The following ANKDD1B variants were observed in gnomAD, a reference collection of about 807,000 sequenced individuals.
ANKDD1B encodes ankyrin repeat and death domain-containing protein 1B.
In ANKDD1B, 57 loss-of-function variants were observed where a neutral mutation model predicts 59.7. That is an observed-to-expected ratio of 0.95 (90% CI 0.77 to 1.19). ANKDD1B has a LOEUF of 1.19. Among genes scored for constraint, ANKDD1B ranks in the 50% most tolerant of loss-of-function variants. ANKDD1B has a pLI of 0.00. For missense variants in ANKDD1B, 602 were observed against 641.9 expected (o/e 0.94, Z 0.67); for synonymous variants, 216 against 239.5 (o/e 0.90, Z 0.91).
intron 9 of ANKDD1B, among the ~76,000 whole-genome samples, chr5:75,658,424 T>G (rs994373773): frequency 6.6e-6 from 1 of 152,184 alleles, no homozygotes; most frequent in Non-Finnish European, 1.5e-5. Context: ...GCATTCCTTT[T>G]GGTGAGAGGT....
chr5:75,663,867 C>T lies in ANKDD1B; in HGVS notation c.1191+378C>T, dbSNP rs141619955. 8.6e-4 allele frequency among the ~76,000 whole-genome samples: 131 copies of T among 152,318 alleles called. 1 individual carries two copies. Among genetic ancestry groups the T allele is most frequent in the Non-Finnish European group, 1.6e-3 (106 of 68,028 alleles). On this transcript the variant is annotated intron_variant, in intron 11 of 13. Coordinates refer to ENST00000601380, the MANE Select transcript of ANKDD1B (RefSeq NM_001276713.2). The stretch of plus-strand genomic sequence containing the variant: ...GGTTAAAAAACTCCTTTGTGTGGCT[C>T]GGCAGTTTTCAACACACCGCTGTGC...
intron 8 of ANKDD1B, among the ~76,000 whole-genome samples, chr5:75,654,723 A>G (rs1473695573): frequency 1.3e-5 from 2 of 152,182 alleles, no homozygotes; most frequent in African/African-American, 4.8e-5. Context: ...GTGAATGTGT[A>G]ATAAGCACCA....
chr5:75,635,164 T>C, intron 6 of ANKDD1B, 168 bp downstream of exon 6: 2 of 515,014 alleles, frequency 3.9e-6, no homozygotes, highest in South Asian at 2.7e-5. Flanking sequence ...GCAAAATCCT[T>C]CCACTGTTGC....
At chr5:75,668,152 C>T (rs542268295) in intron 12 of ANKDD1B, among the ~76,000 whole-genome samples, 151 of 152,178 alleles carry the variant, frequency 9.9e-4, no homozygotes, top group Admixed American at 1.8e-3. Flanking sequence ...TACTTGCCAG[C>T]AGGATAAGGG....
At position 75,659,138 on chromosome 5, in the gene ANKDD1B, A is replaced by C. The variant is rs1579973591; in HGVS notation, c.997-145A>C. The C allele has an allele frequency of 2.3e-5, 14 of 608,480 alleles. No homozygotes were observed. The East Asian group carries it at 3.9e-4, about 17-fold the overall frequency. 37.7% of individuals were successfully genotyped at this position (608,480 alleles called of 1,614,324 possible). A position where few individuals can be genotyped will look rare whatever the true frequency, so the allele number is the denominator to read the frequency against. On this transcript the variant is annotated intron_variant, in intron 9 of 13. Coordinates refer to ENST00000601380, the MANE Select transcript of ANKDD1B (RefSeq NM_001276713.2). ...TGTAATTTCCTTTCAGTTTTTCACT[A>C]TTGCAAATAATAATGCAATGAATGC... is the stretch of plus-strand genomic sequence containing the variant.
intron 10 of ANKDD1B, among the ~76,000 whole-genome samples, chr5:75,662,357 G>C (rs1579977491): frequency 6.6e-6 from 1 of 152,038 alleles, no homozygotes; most frequent in South Asian, 2.1e-4. Context: ...CTGCTCCCCT[G>C]GGTCTTAGTG....
intron 9 of ANKDD1B, 122 bp downstream of exon 9, chr5:75,656,249 C>T: frequency 1.9e-6 from 1 of 512,940 alleles, no homozygotes; most frequent in East Asian, 3.3e-5. Context: ...CATGAGCATC[C>T]TTTTTATCCT....
chr5:75,663,359 A>G (rs1275246170), intron 10 of ANKDD1B, 35 bp from the exon 11 acceptor site: 2 of 1,464,438 alleles, frequency 1.4e-6, no homozygotes, highest in Non-Finnish European at 1.8e-6. Context: ...TCACTAGGCC[A>G]TATCACCTGA....
At chr5:75,668,189 T>C (rs377502462) in intron 12 of ANKDD1B, among the ~76,000 whole-genome samples, 24 of 152,126 alleles carry the variant, frequency 1.6e-4, no homozygotes, top group African/African-American at 5.6e-4. Context: ...CGATGGAACC[T>C]TTATGGAGGG....
rs576891441 is a variant in ANKDD1B, at chr5:75,611,964, G to A, written c.193+137G>A. 51 of 666,476 alleles carry A rather than the reference G, an allele frequency of 7.7e-5. 1 individual carries two copies. In the African/African-American group the frequency reaches 8.6e-4, roughly 11 times the overall value. The allele number at this position is 666,476 out of a possible 1,614,324, so 41.3% of individuals were successfully genotyped here. A position where few individuals can be genotyped will look rare whatever the true frequency, so the allele number is the denominator to read the frequency against. On this transcript the variant is annotated intron_variant, in intron 1 of 13. Transcript: ENST00000601380. ...CGAGGCGACTCAGCCCTGGGACCCC[G>A]AGTCCCAGCCTGCACCGCTGCACTC... is the stretch of plus-strand genomic sequence containing the variant.
chr5:75,613,637 C>T (rs1773631980), intron 1 of ANKDD1B, among the ~76,000 whole-genome samples: 1 of 152,042 alleles, frequency 6.6e-6, no homozygotes, highest in Admixed American at 6.5e-5. Context: ...TTAGTAAATT[C>T]AGATATTTGA....
chr5:75,613,446 G>A (rs1458638408), intron 1 of ANKDD1B, among the ~76,000 whole-genome samples: 3 of 152,020 alleles, frequency 2.0e-5, no homozygotes, highest in Non-Finnish European at 2.9e-5. Flanking sequence ...CAAGTGTAGA[G>A]GTTGGCCTTT....
At chr5:75,661,414 A>AAAAAG (rs1775144251) in intron 10 of ANKDD1B, among the ~76,000 whole-genome samples, 1 of 131,422 alleles carries the variant, frequency 7.6e-6, no homozygotes, top group South Asian at 2.7e-4. Context: ...AAAAAAAAAA[A>AAAAAG]AAAAAAAAAA....
At position 75,625,830 on chromosome 5, in the gene ANKDD1B, C is replaced by T. The variant is rs192213177; in HGVS notation, c.496-21C>T. ...AGTTCTGAGGTCACTGTCTATCTCCCCCACCCCTGGTTCTCTTCAGGATGG... is the reference window on the plus strand; with the variant it reads ...AGTTCTGAGGTCACTGTCTATCTCCTCCACCCCTGGTTCTCTTCAGGATGG... On this transcript the variant is annotated intron_variant, in intron 4 of 13. Coordinates refer to ENST00000601380, the MANE Select transcript of ANKDD1B (RefSeq NM_001276713.2). The T allele has an allele frequency of 3.3e-6, 5 of 1,531,884 alleles. No homozygotes were observed. In the Admixed American group the frequency reaches 5.9e-5, roughly 18 times the overall value. The allele number at this position is 1,531,884 out of a possible 1,614,324, so 94.9% of individuals were successfully genotyped here.
At chr5:75,612,829 A>C (rs1360385427) in intron 1 of ANKDD1B, among the ~76,000 whole-genome samples, 1 of 152,232 alleles carries the variant, frequency 6.6e-6, no homozygotes, top group Non-Finnish European at 1.5e-5. Context: ...CAAGTGGTAT[A>C]ACTTTTGAAG....
At position 75,625,764 on chromosome 5, in the gene ANKDD1B, C is replaced by G; in HGVS notation, c.495+19C>G. ...GAATCAGGTAGGTATGTGGGTCACA[C>G]CTGGACAAAAGCTCTTACCTCACCA... On this transcript the variant is annotated intron_variant, in intron 4 of 13. Transcript: ENST00000601380. 2 of 1,534,626 alleles carry G rather than the reference C, an allele frequency of 1.3e-6. No homozygotes were observed. Among genetic ancestry groups the G allele is most frequent in the Non-Finnish European group, 1.7e-6 (2 of 1,145,380 alleles).
rs1202811871 is a variant in ANKDD1B at position 75,611,731 on chromosome 5, T to C, written c.97T>C (p.Trp33Arg). Residue 33 changes from tryptophan (W) to arginine (R), a missense_variant, in exon 1 of 14, where the codon TGG (tryptophan) becomes CGG (arginine). Physicochemically the swap from Trp to Arg is moderately radical, Grantham distance 101. Transcript: ENST00000601380. ...AAAKGLREDLWGAAALPWRSL... is the reference protein window; with the variant it reads ...AAAKGLREDLRGAAALPWRSL... The stretch of plus-strand genomic sequence containing the variant: ...CGCCAAGGGTCTCAGGGAAGACCTG[T>C]GGGGCGCGGCCGCCCTGCCTTGGAG... The C allele has an allele frequency of 2.4e-6, 3 of 1,231,760 alleles. No homozygotes were observed. The African/African-American group carries it at 4.7e-5, about 19-fold the overall frequency. 76.3% of individuals were successfully genotyped at this position (1,231,760 alleles called of 1,614,324 possible).
chr5:75,667,488 C>T (rs1775342747), intron 12 of ANKDD1B, among the ~76,000 whole-genome samples: 2 of 152,122 alleles, frequency 1.3e-5, no homozygotes, highest in Admixed American at 6.6e-5. Flanking sequence ...TTGTAGGACA[C>T]TGCCTTAGGG....
intron 5 of ANKDD1B, among the ~76,000 whole-genome samples, chr5:75,633,784 G>A (rs555765637): frequency 6.6e-6 from 1 of 152,296 alleles, no homozygotes; most frequent in Non-Finnish European, 1.5e-5. Context: ...ATCTGGTGGT[G>A]GTAGGAGGTG....
Sources: allele counts gnomAD v4.1 joint callset (sites outside exome capture counted in the v4.1 genomes callset), GRCh38; gene constraint gnomAD v4.1.1; transcripts MANE v1.5; gene names NCBI Gene and HGNC (gene_info 2026-07-23, HGNC 2026-07-21).